Variants in ABCG1 observed in about 807,000 individuals in gnomAD.
ABCG1 encodes ATP-binding cassette sub-family G member 1.
In ABCG1, 29 loss-of-function variants were observed where a neutral mutation model predicts 69.2. The ratio of observed to expected loss-of-function variants is 0.42; its 90% CI spans 0.31 to 0.57. The LOEUF is 0.57. Ranked by LOEUF, ABCG1 falls within the 20% of genes least tolerant of loss-of-function variation. The pLI is 0.15. For synonymous variants in ABCG1, 370 were observed against 374.8 expected (o/e 0.99, Z 0.15); for missense variants, 718 against 898.1 (o/e 0.80, Z 2.56).
Position 42,219,712 on chromosome 21 carries a change from C to A in ABCG1, c.42+408C>A. On this transcript the variant is annotated intron_variant, in intron 1 of 14. Transcript: ENST00000398449. This position sits in a 1 kb window ranked among gnomAD's most constrained non-coding sequence, Gnocchi z 5.3. The stretch of plus-strand genomic sequence containing the variant: ...AAGAGGGGACTTGAAGAAGGGGAGC[C>A]CCGCGCGCGCGGCTGTGGGCTTGGG... 9.9e-7 allele frequency: 1 copy of A among 1,010,674 alleles called. No individual in the cohort carries two copies. Among genetic ancestry groups the A allele is most frequent in the Non-Finnish European group, 1.4e-6 (1 of 726,860 alleles). 62.6% of individuals were successfully genotyped at this position (1,010,674 alleles called of 1,614,324 possible).
At chr21:42,252,127 A>G (rs373269457) in intron 2 of ABCG1, among the ~76,000 whole-genome samples, 8 of 152,222 alleles carry the variant, frequency 5.3e-5, no homozygotes, top group Non-Finnish European at 1.0e-4. Context: ...TGATGAGAGC[A>G]TCTGTGCCAT....
At chr21:42,290,002 G>T (rs367935026) in intron 10 of ABCG1, 48 bp from the exon 11 acceptor site, 7 of 1,613,018 alleles carry the variant, frequency 4.3e-6, no homozygotes, top group Non-Finnish European at 5.9e-6. Flanking sequence ...TCTCTGAGCC[G>T]AGGACGGCTT....
chr21:42,259,853 G>A, intron 2 of ABCG1: 1 of 1,408,132 alleles, frequency 7.1e-7, no homozygotes, highest in East Asian at 2.5e-5. Context: ...AAAAGAGCAG[G>A]GGAGAGAGAG....
intron 2 of ABCG1, among the ~76,000 whole-genome samples, chr21:42,234,908 C>T (rs2067955794): frequency 1.3e-5 from 2 of 151,900 alleles, no homozygotes; most frequent in Non-Finnish European, 2.9e-5. Context: ...GGTCAACGCT[C>T]GCTAGTAACC....
In ABCG1 at chr21:42,242,721, G is replaced by A. The variant is rs114745476; in HGVS notation, c.286+16807G>A. ...GTTATTTCACACTTTCCACATCCCA[G>A]TCCTTTAGAGCCGACCATGAACCGG... On this transcript the variant is annotated intron_variant, in intron 2 of 14. Coordinates refer to ENST00000398449, the MANE Select transcript of ABCG1 (RefSeq NM_016818.3). Among the ~76,000 whole-genome samples the A allele has an allele frequency of 5.2e-3, 788 of 152,290 alleles. 5 individuals carry two copies. The highest frequency in any genetic ancestry group is 0.018 in the African/African-American group (731 of 41,554).
chr21:42,251,106 C>T (rs776918010), intron 2 of ABCG1, among the ~76,000 whole-genome samples: 23 of 152,186 alleles, frequency 1.5e-4, no homozygotes, highest in Non-Finnish European at 3.1e-4. Context: ...GGCCCACGGT[C>T]GGTCGGTGAC....
At position 42,263,742 on chromosome 21, in the gene ABCG1, T is replaced by C. The variant is rs76873772; in HGVS notation, c.287-7328T>C. ...AAAAATGCCTGAAGTAGGTTGATCC[T>C]GCCGTTAGACTGTGGGGAGGGGCCA... On this transcript the variant is annotated intron_variant, in intron 2 of 14. Coordinates refer to ENST00000398449, the MANE Select transcript of ABCG1 (RefSeq NM_016818.3). Among the ~76,000 whole-genome samples the C allele has an allele frequency of 4.0e-3, 604 of 152,304 alleles. 3 individuals are homozygous for C. Among genetic ancestry groups the C allele is most frequent in the African/African-American group, 0.013 (551 of 41,554 alleles).
chr21:42,232,672 C>A (rs915846), intron 2 of ABCG1, among the ~76,000 whole-genome samples: 3 of 152,006 alleles, frequency 2.0e-5, no homozygotes, highest in East Asian at 1.9e-4. Flanking sequence ...TGGGTGCCCC[C>A]CTGCCTTCCT....
chr21:42,271,045 A>G lies in ABCG1; in HGVS notation c.287-25A>G, dbSNP rs746511159. 8 of 1,398,500 alleles carry G rather than the reference A, an allele frequency of 5.7e-6. No homozygotes were observed. In the Admixed American group the frequency reaches 2.2e-4, roughly 38 times the overall value. The allele number at this position is 1,398,500 out of a possible 1,614,324, so 86.6% of individuals were successfully genotyped here. ...GCATTAGAGATAAAATGAAATGAAT[A>G]TGAATATGATCTGCTTTTTTGCAGG... On this transcript the variant is annotated intron_variant, in intron 2 of 14. Transcript: ENST00000398449.
At chr21:42,248,916 A>AAC (rs1038467886) in intron 2 of ABCG1, among the ~76,000 whole-genome samples, 4 of 151,654 alleles carry the variant, frequency 2.6e-5, no homozygotes, top group African/African-American at 9.7e-5. Context: ...AAAAAAAAAA[A>AAC]AAAAGAGCGA....
intron 5 of ABCG1, among the ~76,000 whole-genome samples, chr21:42,279,664 A>G (rs2068772528): frequency 6.6e-6 from 1 of 152,272 alleles, no homozygotes; most frequent in Admixed American, 6.5e-5. Flanking sequence ...TCCCTGCAGC[A>G]TAAGGCGACA....
intron 2 of ABCG1, among the ~76,000 whole-genome samples, chr21:42,261,566 C>T (rs890083748): frequency 4.6e-5 from 7 of 152,202 alleles, no homozygotes; most frequent in Non-Finnish European, 2.9e-5. Flanking sequence ...ACTGAAACCC[C>T]GAGCGAGAGT....
chr21:42,201,880 G>A (rs150544617), intron 2 of ABCG1, among the ~76,000 whole-genome samples: 36 of 152,180 alleles, frequency 2.4e-4, no homozygotes, highest in African/African-American at 8.4e-4. Context: ...GGGCCAGCCC[G>A]AGGCAAACTG....
intron 5 of ABCG1, among the ~76,000 whole-genome samples, chr21:42,278,539 C>T (rs2068749904): frequency 1.3e-5 from 2 of 152,178 alleles, no homozygotes; most frequent in South Asian, 2.1e-4. Context: ...GACCCAGACA[C>T]ACCAAGGGAT....
At chr21:42,258,408 A>C (rs1296823615) in intron 2 of ABCG1, among the ~76,000 whole-genome samples, 202 of 83,680 alleles carry the variant, frequency 2.4e-3, no homozygotes, top group Middle Eastern at 8.8e-3. Flanking sequence ...CCTCCATCCC[A>C]CCTTCCATAT....
In ABCG1 at chr21:42,205,979, G is replaced by A. The variant is rs555306574; in HGVS notation, c.48+4256G>A. On this transcript the variant is annotated intron_variant, in intron 2 of 15. Coordinates refer to the ABCG1 transcript ENST00000398457. ...TCTTTGCCTCATAAATTATTTTAAAGTATGTTGTTTGGATTCTAACTGTTC... is the reference window on the plus strand; with the variant it reads ...TCTTTGCCTCATAAATTATTTTAAAATATGTTGTTTGGATTCTAACTGTTC... Among the ~76,000 whole-genome samples the A allele has an allele frequency of 3.9e-5, 6 of 152,058 alleles. No individual in the cohort carries two copies. The East Asian group carries it at 9.6e-4, about 24-fold the overall frequency.
At chr21:42,293,630 A>G (rs1166680325) in intron 13 of ABCG1, among the ~76,000 whole-genome samples, 1 of 113,186 alleles carries the variant, frequency 8.8e-6, no homozygotes, top group Non-Finnish European at 1.8e-5. Context: ...ACTACACACC[A>G]CACACACACC....
intron 1 of ABCG1, among the ~76,000 whole-genome samples, chr21:42,200,251 G>A (rs1471796682): frequency 6.6e-6 from 1 of 152,232 alleles, no homozygotes; most frequent in Non-Finnish European, 1.5e-5. Context: ...GCCGGGCCAT[G>A]GGGGTGAGGC....
At chr21:42,224,429 C>A (rs759860919) in intron 1 of ABCG1, among the ~76,000 whole-genome samples, 1 of 152,168 alleles carries the variant, frequency 6.6e-6, no homozygotes, top group African/African-American at 2.4e-5. Flanking sequence ...GAAGGCGGAT[C>A]CCTTGTCAGA....
Sources: gnomAD v4.1 joint callset for allele counts (sites outside exome capture counted in the v4.1 genomes callset) on GRCh38, gnomAD v4.1.1 for gene constraint, Gnocchi (gnomAD v3.1) non-coding constraint, MANE v1.5 for transcripts, NCBI Gene and HGNC (gene_info 2026-07-23, HGNC 2026-07-21) for gene names.